Variants in EXOC4 observed in about 807,000 individuals in gnomAD.
EXOC4 encodes the protein exocyst complex component 4, also known as SEC8-like 1.
A neutral mutation model predicts 107.2 loss-of-function variants in EXOC4; 71 were observed. The ratio of observed to expected loss-of-function variants is 0.66; its 90% confidence interval spans 0.55 to 0.81. The LOEUF (loss-of-function observed/expected upper bound fraction) is 0.81. EXOC4 is among the 30% of genes least tolerant of loss of function. The pLI is 0.00. For missense variants in EXOC4, 1,108 were observed against 1,189.6 expected (o/e 0.93, Z 1.01); for synonymous variants, 456 against 441.2 (o/e 1.03, Z -0.42).
chr7:133,785,043 A>G (rs1796540483), intron 10 of EXOC4, among the ~76,000 whole-genome samples: 2 of 152,180 alleles, frequency 1.3e-5, no homozygotes, highest in South Asian at 4.1e-4. Context: ...TTTAGTTTCC[A>G]TAGGGCTAAC....
rs114546843 is a variant in EXOC4 at position 133,254,991 on chromosome 7, T to C, written c.86+1804T>C. On this transcript the variant is annotated intron_variant, in intron 1 of 17. Coordinates refer to ENST00000253861, the MANE Select transcript of EXOC4 (RefSeq NM_021807.4). ...ATGCTAATTCAGAACATACATTGCC[T>C]TTGCTTGACCATTCCTTAATATTCT... Among the ~76,000 whole-genome samples the C allele has an allele frequency of 3.4e-3, 511 of 152,210 alleles. 5 individuals carry two copies. Among genetic ancestry groups the C allele is most frequent in the African/African-American group, 0.012 (479 of 41,518 alleles).
intron 14 of EXOC4, among the ~76,000 whole-genome samples, chr7:133,983,211 C>T (rs952586486): frequency 6.6e-6 from 1 of 152,120 alleles, no homozygotes; most frequent in Non-Finnish European, 1.5e-5. Flanking sequence ...GGCACCAAGC[C>T]CTAAGGGATC....
At chr7:133,688,522 T>A (rs1050771176) in intron 10 of EXOC4, among the ~76,000 whole-genome samples, 3 of 152,178 alleles carry the variant, frequency 2.0e-5, no homozygotes, top group Admixed American at 6.6e-5. Flanking sequence ...CCAATTATAT[T>A]AGTCATTAGT....
chr7:133,460,959 G>A (rs1344082708), intron 7 of EXOC4, among the ~76,000 whole-genome samples: 2 of 152,144 alleles, frequency 1.3e-5, no homozygotes, highest in African/African-American at 4.8e-5. Context: ...ATATCCAGCA[G>A]TGTATGATTA....
intron 14 of EXOC4, among the ~76,000 whole-genome samples, chr7:133,944,544 C>T (rs1001713277): frequency 2.6e-5 from 4 of 152,104 alleles, no homozygotes; most frequent in Non-Finnish European, 4.4e-5. Context: ...CTTTGTGCCT[C>T]CAATTTGTGT....
intron 15 of EXOC4, among the ~76,000 whole-genome samples, chr7:134,002,027 C>CA (rs879868723): frequency 3.3e-5 from 5 of 152,192 alleles, no homozygotes; most frequent in Non-Finnish European, 5.9e-5. Flanking sequence ...CAGTAGCAAT[C>CA]AGTGTGCTAG....
At chr7:133,476,495 G>C (rs1799016365) in intron 8 of EXOC4, among the ~76,000 whole-genome samples, 1 of 152,124 alleles carries the variant, frequency 6.6e-6, no homozygotes, top group South Asian at 2.1e-4. Context: ...TTTTTCAGCA[G>C]TTGGAGATCT....
chr7:133,492,843 G>A (rs1332244416), intron 9 of EXOC4, among the ~76,000 whole-genome samples: 1 of 151,910 alleles, frequency 6.6e-6, no homozygotes, highest in African/African-American at 2.4e-5. Flanking sequence ...AGTTGTAAAA[G>A]GAAGAAGGTA....
chr7:134,063,450 G>A (rs148061784), intron 17 of EXOC4, among the ~76,000 whole-genome samples: 1 of 152,328 alleles, frequency 6.6e-6, no homozygotes, highest in Non-Finnish European at 1.5e-5. Flanking sequence ...CCTGGGGTCA[G>A]ATCCTGGCAT....
intron 11 of EXOC4, among the ~76,000 whole-genome samples, chr7:133,879,234 A>G (rs1798913516): frequency 6.6e-6 from 1 of 152,070 alleles, no homozygotes; most frequent in Non-Finnish European, 1.5e-5. Context: ...AGCAGGGGTT[A>G]CAGGTACACA....
chr7:133,988,415 C>T (rs1453397254), intron 14 of EXOC4, among the ~76,000 whole-genome samples: 1 of 152,146 alleles, frequency 6.6e-6, no homozygotes, highest in Non-Finnish European at 1.5e-5. Flanking sequence ...TGTTCTTTGT[C>T]ATATTGCATT....
chr7:133,480,053 C>A lies in EXOC4; in HGVS notation c.1332C>A (p.Phe444Leu), dbSNP rs1490816177. 6.2e-7 allele frequency: 1 copy of A among 1,613,620 alleles called. No homozygotes were observed. The highest frequency in any genetic ancestry group is 8.5e-7 in the Non-Finnish European group (1 of 1,179,648). The change falls in exon 9 of 18, where the codon TTC becomes TTA. Residue 444 changes from phenylalanine (F) to leucine (L), a missense_variant. Physicochemically the swap from Phe to Leu is conservative, Grantham distance 22. Transcript: ENST00000253861. ...TTTCCCCTGTGTTTCTCTGCAGGTT[C>A]GAATCGTCCTCCCATGCCATCAGTA... The part of the protein sequence containing the change: ...PQRPKNSLFK[F>L]ESSSHAISMS...
chr7:133,477,568 C>T (rs1312170123), intron 8 of EXOC4, among the ~76,000 whole-genome samples: 1 of 152,126 alleles, frequency 6.6e-6, no homozygotes, highest in Non-Finnish European at 1.5e-5. Context: ...GGACATCTTG[C>T]TTGCTTCCAG....
intron 9 of EXOC4, among the ~76,000 whole-genome samples, chr7:133,563,704 G>A (rs569051802): frequency 6.6e-6 from 1 of 152,102 alleles, no homozygotes; most frequent in African/African-American, 2.4e-5. Flanking sequence ...TAAGTTAGTG[G>A]GGAAAATTTA....
intron 2 of EXOC4, 109 bp downstream of exon 2, chr7:133,275,280 A>G: frequency 1.1e-6 from 1 of 906,894 alleles, no homozygotes. Context: ...AAGTGATTCA[A>G]AATGCCACTT....
At chr7:133,534,329 G>C (rs1800234848) in intron 9 of EXOC4, among the ~76,000 whole-genome samples, 1 of 152,114 alleles carries the variant, frequency 6.6e-6, no homozygotes, top group African/African-American at 2.4e-5. Context: ...TGCCTGTTTG[G>C]TTGTAGTTGT....
At chr7:133,542,989 A>G (rs1357042062) in intron 9 of EXOC4, among the ~76,000 whole-genome samples, 1 of 152,142 alleles carries the variant, frequency 6.6e-6, no homozygotes, top group Non-Finnish European at 1.5e-5. Context: ...GACCATAGCT[A>G]TCAAAAGAAT....
intron 7 of EXOC4, among the ~76,000 whole-genome samples, chr7:133,394,718 C>T (rs1012854464): frequency 2.0e-5 from 3 of 152,092 alleles, no homozygotes; most frequent in Non-Finnish European, 4.4e-5. Flanking sequence ...TATTAATTTT[C>T]AGCTTCATTA....
chr7:134,070,789 AT>A (rs986458065), downstream of EXOC4, among the ~76,000 whole-genome samples: 26 of 67,978 alleles, frequency 3.8e-4, no homozygotes, highest in African/African-American at 1.9e-3. Context: ...TGGAAAAAAA[AT>A]AAAAGGAACT....
Sources: allele counts gnomAD v4.1 joint callset (sites outside exome capture counted in the v4.1 genomes callset), GRCh38; gene constraint gnomAD v4.1.1; transcripts MANE v1.5; gene names NCBI Gene and HGNC (gene_info 2026-07-23, HGNC 2026-07-21).